TACR1: variants seen among roughly 807,000 people sequenced by gnomAD.
TACR1 encodes the protein substance-P receptor.
A neutral mutation model predicts 35.8 loss-of-function variants in TACR1; 25 were observed. The ratio of observed to expected loss-of-function variants is 0.70; its 90% CI spans 0.51 to 0.98. The LOEUF (loss-of-function observed/expected upper bound fraction) is 0.98. TACR1 is among the 50% of genes least tolerant of loss of function. The pLI is 0.00. For synonymous variants in TACR1, 195 were observed against 206.7 expected (o/e 0.94, Z 0.48); for missense variants, 478 against 522.9 (o/e 0.91, Z 0.84).
chr2:75,114,589 T>C (rs527772836), intron 2 of TACR1, among the ~76,000 whole-genome samples: 1 of 152,318 alleles, frequency 6.6e-6, no homozygotes, highest in African/African-American at 2.4e-5. Flanking sequence ...CCTCACAGTT[T>C]TTATAGAAAA....
At chr2:75,195,165 A>AT (rs1418446659) in intron 1 of TACR1, among the ~76,000 whole-genome samples, 2 of 152,170 alleles carry the variant, frequency 1.3e-5, no homozygotes, top group African/African-American at 4.8e-5. Flanking sequence ...AAGTCAGAGA[A>AT]ATTATAGAGT....
intron 2 of TACR1, among the ~76,000 whole-genome samples, chr2:75,068,534 A>G (rs1364062601): frequency 6.6e-6 from 1 of 152,214 alleles, no homozygotes; most frequent in Non-Finnish European, 1.5e-5. Flanking sequence ...AATAATAACT[A>G]CCACTACTAC....
chr2:75,066,818 T>C (rs568527448), intron 2 of TACR1, among the ~76,000 whole-genome samples: 1 of 152,222 alleles, frequency 6.6e-6, no homozygotes, highest in African/African-American at 2.4e-5. Context: ...CAAGAAATTG[T>C]CAAGGATACT....
chr2:75,064,878 A>C (rs1006786444), intron 2 of TACR1, among the ~76,000 whole-genome samples: 2 of 152,226 alleles, frequency 1.3e-5, no homozygotes, highest in African/African-American at 4.8e-5. Flanking sequence ...GGTGGCGACC[A>C]CAAAGCTCCT....
At chr2:75,081,161 G>A (rs1189801660) in intron 2 of TACR1, among the ~76,000 whole-genome samples, 1 of 152,158 alleles carries the variant, frequency 6.6e-6, no homozygotes, top group African/African-American at 2.4e-5. Context: ...CTGCCCTGGG[G>A]GAAATCACTT....
rs1254852422 is a variant in TACR1 at position 75,117,285 on chromosome 2, A to G, written c.584+3289T>C. On this transcript the variant is annotated intron_variant, in intron 2 of 4. Coordinates refer to ENST00000305249, the MANE Select transcript of TACR1 (RefSeq NM_001058.4). Reference sequence around the variant, plus strand: ...TAACTGTATTTGCAAACGTTAGTAAAGAGTTTGAATGAATGATCATGGTTG... The same window carrying G: ...TAACTGTATTTGCAAACGTTAGTAAGGAGTTTGAATGAATGATCATGGTTG... 2.0e-5 allele frequency among the ~76,000 whole-genome samples: 3 copies of G among 152,238 alleles called. No individual in the cohort carries two copies. In the South Asian group the frequency reaches 6.2e-4, roughly 32 times the overall value.
chr2:75,080,256 G>C (rs376531543), intron 2 of TACR1, among the ~76,000 whole-genome samples: 1 of 152,256 alleles, frequency 6.6e-6, no homozygotes, highest in African/African-American at 2.4e-5. Context: ...GAAATGCAGT[G>C]CTCAGTCACT....
chr2:75,137,660 C>T (rs912970164), intron 1 of TACR1, among the ~76,000 whole-genome samples: 5 of 124,262 alleles, frequency 4.0e-5, no homozygotes, highest in Non-Finnish European at 8.0e-5. Flanking sequence ...ACCTGGGAGG[C>T]GGAGCTTGCA....
chr2:75,171,519 C>T (rs1436786782), intron 1 of TACR1, among the ~76,000 whole-genome samples: 4 of 152,142 alleles, frequency 2.6e-5, no homozygotes, highest in Non-Finnish European at 5.9e-5. Flanking sequence ...AGAGGGCCAC[C>T]ATCCTTCAGA....
At chr2:75,154,410 G>GCGCGCGCGCGCGCT (rs1166779798) in intron 1 of TACR1, 1 of 75,364 alleles carries the variant, frequency 1.3e-5, no homozygotes, top group Non-Finnish European at 2.8e-5. Flanking sequence ...GAGCGCGCAC[G>GCGCGCGCGCGCGCT]CACACACACA....
intron 2 of TACR1, among the ~76,000 whole-genome samples, chr2:75,097,703 T>C (rs1673452072): frequency 2.0e-5 from 3 of 152,330 alleles, no homozygotes; most frequent in Admixed American, 1.3e-4. Context: ...GCAACTATTA[T>C]TTACTCTTTA....
At chr2:75,133,247 G>C (rs1674212471) in intron 1 of TACR1, among the ~76,000 whole-genome samples, 1 of 152,080 alleles carries the variant, frequency 6.6e-6, no homozygotes, top group South Asian at 2.1e-4. Flanking sequence ...TTTTGTGCGT[G>C]GTATCTTATT....
chr2:75,051,773 C>T (rs1672475678), intron 3 of TACR1, among the ~76,000 whole-genome samples: 1 of 152,168 alleles, frequency 6.6e-6, no homozygotes, highest in Non-Finnish European at 1.5e-5. Flanking sequence ...GTGTGACAAA[C>T]CCTTCAGATG....
At chr2:75,061,045 G>A (rs2103796851) in intron 2 of TACR1, among the ~76,000 whole-genome samples, 1 of 152,288 alleles carries the variant, frequency 6.6e-6, no homozygotes, top group East Asian at 1.9e-4. Flanking sequence ...AGGGCCAGCA[G>A]TTAGATGTCT....
At position 75,047,950 on chromosome 2, in the gene TACR1, A is replaced by G. The variant is rs1672393855; in HGVS notation, c.*1482T>C. ...AGCTTCTGCTTCCAGCCATATCTGG[A>G]AAAAACACAGATTTGGGAGACAGAA... On this transcript the variant is annotated 3_prime_UTR_variant, in exon 5 of 5. Coordinates refer to ENST00000305249, the MANE Select transcript of TACR1 (RefSeq NM_001058.4). 1 of 152,238 alleles carries G rather than the reference A, an allele frequency of 6.6e-6. No individual in the cohort carries two copies. Among genetic ancestry groups the G allele is most frequent in the African/African-American group, 2.4e-5 (1 of 41,450 alleles). The allele number at this position is 152,238 out of a possible 1,614,324, so 9.4% of individuals were successfully genotyped here.
chr2:75,108,875 A>G (rs1158558420), intron 2 of TACR1, among the ~76,000 whole-genome samples: 3 of 152,212 alleles, frequency 2.0e-5, no homozygotes, highest in Non-Finnish European at 4.4e-5. Flanking sequence ...ACTCAAATTT[A>G]AGCTCCATGT....
At chr2:75,163,460 TTTCATAGGCATATA>T (rs1675063148) in intron 1 of TACR1, among the ~76,000 whole-genome samples, 1 of 152,212 alleles carries the variant, frequency 6.6e-6, no homozygotes, top group Admixed American at 6.5e-5. Context: ...AAGTTTTGTG[TTTCATAGGCATATA>T]TTCTATTAAA....
intron 1 of TACR1, among the ~76,000 whole-genome samples, chr2:75,186,205 C>T (rs958822317): frequency 1.3e-5 from 2 of 151,696 alleles, no homozygotes; most frequent in Non-Finnish European, 2.9e-5. Context: ...AACTCCGTCT[C>T]TACTAAAAAT....
chr2:75,145,907 A>C (rs1674499676), intron 1 of TACR1, among the ~76,000 whole-genome samples: 1 of 152,196 alleles, frequency 6.6e-6, no homozygotes, highest in Non-Finnish European at 1.5e-5. Context: ...TTACAGATCC[A>C]GCGACAGAGA....
Sources: gnomAD v4.1 joint callset for allele counts (sites outside exome capture counted in the v4.1 genomes callset) on GRCh38, gnomAD v4.1.1 for gene constraint, MANE v1.5 for transcripts, NCBI Gene and HGNC (gene_info 2026-07-23, HGNC 2026-07-21) for gene names.